The following ULK1 variants were observed in gnomAD, a reference collection of about 807,000 sequenced individuals.
ULK1 encodes unc-51 like autophagy activating kinase 1.
ULK1 carries 48 observed loss-of-function variants against 117.5 expected under a neutral mutation model. The observed-to-expected ratio is 0.41, with a 90% confidence interval of 0.32 to 0.52. The LOEUF is 0.52. Among genes scored for constraint, ULK1 ranks in the 20% least tolerant of loss-of-function variants. ULK1 has a pLI of 0.29. For missense variants in ULK1, 1,387 were observed against 1,473.4 expected (o/e 0.94, Z 0.96); for synonymous variants, 790 against 637.8 (o/e 1.24, Z -3.60).
At chr12:131,912,904 C>T (rs1286941076) in intron 13 of ULK1, among the ~76,000 whole-genome samples, 3 of 152,182 alleles carry the variant, frequency 2.0e-5, no homozygotes, top group Non-Finnish European at 1.5e-5. Flanking sequence ...TAGCTAAAGG[C>T]TGGGGGGCAG....
Position 131,918,651 on chromosome 12 carries a change from C to T in ULK1, c.2481C>T (p.Ala827=). 1.9e-6 allele frequency: 3 copies of T among 1,605,494 alleles called. No homozygotes were observed. Among genetic ancestry groups the T allele is most frequent in the Non-Finnish European group, 2.5e-6 (3 of 1,176,834 alleles). Residue 827 remains alanine (A), a synonymous_variant, in exon 23 of 28, where the codon GCC becomes GCT. Coordinates refer to ENST00000321867, the MANE Select transcript of ULK1 (RefSeq NM_003565.4). ...ANLEGAVTFE[A]PDLPEETLME... ...TGGAGGGGGCTGTGACCTTCGAGGC[C>T]CCCGACCTCCCTGAGGAGACCCTCA...
Position 131,916,127 on chromosome 12 carries a change from C to G in ULK1, c.1846C>G (p.Pro616Ala). The G allele has an allele frequency of 6.2e-7, 1 of 1,612,468 alleles. No homozygotes were observed. Among genetic ancestry groups the G allele is most frequent in the Non-Finnish European group, 8.5e-7 (1 of 1,179,808 alleles). Reference sequence around the variant, plus strand: ...GCTGCCCGACTTCCTGCAGCGAAACCCCCTGCCCCCCATCCTGGGCTCCCC... The same window carrying G: ...GCTGCCCGACTTCCTGCAGCGAAACGCCCTGCCCCCCATCCTGGGCTCCCC... ...PKLPDFLQRN[P>A]LPPILGSPTK... is the part of the protein sequence containing the mutation. The change falls in exon 19 of 28, where the codon CCC becomes GCC. Residue 616 changes from proline (P) to alanine (A), a missense_variant. This residue lies in a region of ULK1 where 900 missense variants were observed against 858.9 expected (regional missense o/e 1.05). Coordinates refer to ENST00000321867, the MANE Select transcript of ULK1 (RefSeq NM_003565.4).
intron 26 of ULK1, chr12:131,920,776 G>T (rs894407578): frequency 8.5e-6 from 3 of 354,982 alleles, no homozygotes; most frequent in Non-Finnish European, 1.5e-5. Context: ...ACAAACATGG[G>T]AAAAGTCAGC....
rs1439322095 is a variant in ULK1 at position 131,916,484 on chromosome 12, C to T, written c.1965C>T (p.Pro655=). The T allele has an allele frequency of 6.2e-7, 1 of 1,612,368 alleles. No individual in the cohort carries two copies. Among genetic ancestry groups the T allele is most frequent in the Non-Finnish European group, 8.5e-7 (1 of 1,179,762 alleles). The change falls in exon 20 of 28, where the codon CCC becomes CCT. Residue 655 remains proline (P), a synonymous_variant. Coordinates refer to ENST00000321867, the MANE Select transcript of ULK1 (RefSeq NM_003565.4). ...LLARQGVVMT[P]PRNRTLPDLS... is the part of the protein sequence containing the mutation. ...CCCGGCAGGGCGTGGTGATGACGCC[C>T]CCTCGAAACCGGACGCTGCCCGACC...
rs918348075 is a variant in ULK1, at chr12:131,909,868, G to A, written c.725+35G>A. The A allele has an allele frequency of 5.0e-6, 8 of 1,610,164 alleles. No individual in the cohort carries two copies. The Admixed American group carries it at 5.0e-5, about 10-fold the overall frequency. ...CTCCCGCCTTCCCTTCCCTTCCCCC[G>A]CGGGCTCCGGCCCCGCAGGCCCTGC... is the stretch of plus-strand genomic sequence containing the variant. On this transcript the variant is annotated intron_variant, in intron 9 of 27. Transcript: ENST00000321867.
chr12:131,904,992 G>A (rs918494083), intron 3 of ULK1, among the ~76,000 whole-genome samples: 5 of 152,110 alleles, frequency 3.3e-5, no homozygotes, highest in East Asian at 1.9e-4. Context: ...GGCTCCCCAC[G>A]TGCTCTTCCT....
intron 3 of ULK1, among the ~76,000 whole-genome samples, chr12:131,900,211 G>A (rs1889032414): frequency 2.0e-5 from 3 of 151,642 alleles, no homozygotes; most frequent in African/African-American, 7.3e-5. Context: ...TAAGTGCTCT[G>A]TCAATGTTCT....
intron 3 of ULK1, among the ~76,000 whole-genome samples, chr12:131,905,339 G>A (rs1052568460): frequency 4.6e-5 from 7 of 151,980 alleles, no homozygotes; most frequent in Non-Finnish European, 1.0e-4. Context: ...CCCCACCAGG[G>A]GTGCCTTCTG....
At chr12:131,901,446 G>T (rs761051976) in intron 3 of ULK1, among the ~76,000 whole-genome samples, 1 of 152,162 alleles carries the variant, frequency 6.6e-6, no homozygotes, top group African/African-American at 2.4e-5. Flanking sequence ...CCTGTGTGGC[G>T]TAGCAAGCGC....
chr12:131,913,390 T>TAA lies in ULK1; in HGVS notation c.1157+132_1157+133insAA. On this transcript the variant is annotated intron_variant, in intron 14 of 27. Coordinates refer to ENST00000321867, the MANE Select transcript of ULK1 (RefSeq NM_003565.4). ...CTGGGTGACAGAGCGAGACTCTGTC[T>TAA]CAAAAAAAAAAAAAGTAAATGCCGT... The TAA allele has an allele frequency of 5.6e-6, 5 of 894,216 alleles. No homozygotes were observed. In the South Asian group the frequency reaches 1.1e-4, roughly 20 times the overall value. 55.4% of individuals were successfully genotyped at this position (894,216 alleles called of 1,614,324 possible). A position where few individuals can be genotyped will look rare whatever the true frequency, so the allele number is the denominator to read the frequency against.
chr12:131,915,192 T>A lies in ULK1; in HGVS notation c.1483T>A (p.Ser495Thr), dbSNP rs1321228385. The change falls in exon 17 of 28, where the codon TCT (serine) becomes ACT (threonine). Residue 495 changes from serine to threonine, a missense_variant. Coordinates refer to ENST00000321867, the MANE Select transcript of ULK1 (RefSeq NM_003565.4). ...TGGAGGCGTCCTGGCCAGGAAGATG[T>A]CTCTGGGTGGAGGCCGGCCCTACAC... ...EHGGVLARKM[S>T]LGGGRPYTPS... 6.2e-7 allele frequency: 1 copy of A among 1,600,930 alleles called. No individual in the cohort carries two copies. Among genetic ancestry groups the A allele is most frequent in the African/African-American group, 1.3e-5 (1 of 74,804 alleles).
Position 131,916,106 on chromosome 12 carries a change from C to T in ULK1, c.1825C>T (p.Pro609Ser), listed in dbSNP as rs761964541. 4 of 1,612,332 alleles carry T rather than the reference C, an allele frequency of 2.5e-6. No individual in the cohort carries two copies. The highest frequency in any genetic ancestry group is 1.7e-5 in the Admixed American group (1 of 59,972). ...CRNLRGSPKL[P>S]DFLQRNPLPP... ...GAACCTGCGGGGCTCACCCAAGCTG[C>T]CCGACTTCCTGCAGCGAAACCCCCT... is the stretch of plus-strand genomic sequence containing the variant. The change falls in exon 19 of 28, where the codon CCC becomes TCC. Residue 609 changes from proline (P) to serine (S), a missense_variant. Around this residue, in one of 4 missense-constraint regions of ULK1, gnomAD observed 900 missense variants for 858.9 expected, o/e 1.05. Coordinates refer to ENST00000321867, the MANE Select transcript of ULK1 (RefSeq NM_003565.4).
Position 131,922,856 on chromosome 12 carries a change from TCTCAC to T in ULK1, c.*1498_*1502del, listed in dbSNP as rs1460169089. On this transcript the variant is annotated 3_prime_UTR_variant, in exon 28 of 28. Coordinates refer to ENST00000321867, the MANE Select transcript of ULK1 (RefSeq NM_003565.4). ...TTCCTCATCACCTTGATGGCTTTATTCTCACCTTGTGGGGCATGTTTGTATTTATT... is the reference window on the plus strand; with the variant it reads ...TTCCTCATCACCTTGATGGCTTTATTCTTGTGGGGCATGTTTGTATTTATT... 1.3e-5 allele frequency: 2 copies of T among 152,506 alleles called. No individual in the cohort carries two copies. The highest frequency in any genetic ancestry group is 4.8e-5 in the African/African-American group (2 of 41,466). The allele number at this position is 152,506 out of a possible 1,614,324, so 9.4% of individuals were successfully genotyped here.
chr12:131,920,175 A>G (rs200409994), intron 26 of ULK1, 39 bp downstream of exon 26: 3 of 1,597,656 alleles, frequency 1.9e-6, no homozygotes, highest in Admixed American at 1.7e-5. Flanking sequence ...AGGGGCCAGG[A>G]ACTTCCAGGC....
chr12:131,905,835 G>A (rs1164124019), intron 3 of ULK1, among the ~76,000 whole-genome samples: 4 of 152,228 alleles, frequency 2.6e-5, no homozygotes, highest in African/African-American at 7.2e-5. Flanking sequence ...TGTCTGCACC[G>A]GTGGCTTACT....
chr12:131,906,868 C>T, intron 3 of ULK1, 24 bp from the exon 4 acceptor site: 1 of 1,614,010 alleles, frequency 6.2e-7, no homozygotes, highest in Non-Finnish European at 8.5e-7. Context: ...TGGGACCTCT[C>T]ACAGCCTCTT....
At chr12:131,915,257 A>C (rs755759912) in intron 17 of ULK1, 26 bp downstream of exon 17, 1 of 1,605,990 alleles carries the variant, frequency 6.2e-7, no homozygotes, top group South Asian at 1.1e-5. Flanking sequence ...GGGGCCTGGG[A>C]AGGGGCGTCT....
At chr12:131,917,187 CGGGTGGGGCTT>C (rs1187884524) in intron 21 of ULK1, 125 bp downstream of exon 21, 1,788 of 31,610 alleles carry the variant, frequency 0.057, 673 homozygotes, top group Non-Finnish European at 0.067. Flanking sequence ...GGATGGGGGT[CGGGTGGGGCTT>C]GGAGGCTGTG....
chr12:131,919,667 A>ACAGGGTG (rs1566130324), intron 25 of ULK1, 77 bp downstream of exon 25: 15 of 1,514,760 alleles, frequency 9.9e-6, no homozygotes, highest in South Asian at 2.3e-5. Flanking sequence ...GTGACAGGGT[A>ACAGGGTG]ACAGGGAGGC....
Sources: gnomAD v4.1 joint callset for allele counts (sites outside exome capture counted in the v4.1 genomes callset) on GRCh38, gnomAD v4.1.1 for gene constraint, gnomAD v4.1.1 regional missense constraint, MANE v1.5 for transcripts, NCBI Gene and HGNC (gene_info 2026-07-23, HGNC 2026-07-21) for gene names.